Variants in VPS13D observed in about 807,000 individuals in gnomAD.
The protein encoded by VPS13D is intermembrane lipid transfer protein VPS13D.
In VPS13D, 187 loss-of-function variants were observed where a neutral mutation model predicts 461.9. The observed-to-expected ratio is 0.40, with a 90% CI of 0.36 to 0.46. The LOEUF (loss-of-function observed/expected upper bound fraction) is 0.46. VPS13D is among the 20% of genes least tolerant of loss of function. The probability of loss-of-function intolerance (pLI) is 0.60; values close to 1 mark genes in which losing one functional copy is unlikely to be tolerated. For missense variants in VPS13D, 4,711 were observed against 5,364.9 expected (o/e 0.88, Z 3.81); for synonymous variants, 1,951 against 1,986.3 (o/e 0.98, Z 0.47).
chr1:12,423,443 C>T (rs1644887399), intron 65 of VPS13D, among the ~76,000 whole-genome samples: 1 of 152,196 alleles, frequency 6.6e-6, no homozygotes, highest in Non-Finnish European at 1.5e-5. Context: ...CCTAGTCCCA[C>T]AGTGAACTTT....
At chr1:12,309,449 T>C (rs941855241) in intron 27 of VPS13D, among the ~76,000 whole-genome samples, 1 of 151,672 alleles carries the variant, frequency 6.6e-6, no homozygotes, top group African/African-American at 2.4e-5. Context: ...GACCTCGTGA[T>C]CCACCTGCCT....
rs746743062 is a variant in VPS13D, at chr1:12,277,505, C to G, written c.3917C>G (p.Ser1306Cys). ...AAGTTTTTGAAGGAGTTGACGTTAT[C>G]CATGGATGAACTGGAAGAAAATTTT... ...SAKFLKELTL[S>C]MDELEENFRG... The change falls in exon 19 of 70, where the codon TCC becomes TGC. Residue 1306 changes from serine (S) to cysteine (C), a missense_variant. Transcript: ENST00000620676. 1.2e-4 allele frequency: 190 copies of G among 1,613,992 alleles called. No individual in the cohort carries two copies. Among genetic ancestry groups the G allele is most frequent in the Non-Finnish European group, 1.6e-4 (186 of 1,180,036 alleles).
At chr1:12,385,037 G>C (rs919441430) in intron 58 of VPS13D, among the ~76,000 whole-genome samples, 4 of 152,154 alleles carry the variant, frequency 2.6e-5, no homozygotes, top group Non-Finnish European at 4.4e-5. Context: ...ACCCCACTAC[G>C]TGAGGCTCTC....
intron 65 of VPS13D, 38 bp downstream of exon 65, chr1:12,416,865 T>C: frequency 6.3e-7 from 1 of 1,581,446 alleles, no homozygotes; most frequent in Non-Finnish European, 8.6e-7. Flanking sequence ...ATAATTAACC[T>C]CACGAGTCCT....
At chr1:12,346,530 TTA>T in intron 43 of VPS13D, 73 bp from the exon 44 acceptor site, 1 of 1,504,096 alleles carries the variant, frequency 6.6e-7, no homozygotes, top group East Asian at 2.3e-5. Context: ...TTGAAGAAAA[TTA>T]TGTTGTCATT....
At chr1:12,242,652 T>C in intron 3 of VPS13D, 62 bp downstream of exon 3, 1 of 1,429,632 alleles carries the variant, frequency 7.0e-7, no homozygotes, top group South Asian at 1.2e-5. Flanking sequence ...AGGTGAAAAC[T>C]GAGAGCCCTG....
chr1:12,443,737 G>A (rs933441952), intron 65 of VPS13D, among the ~76,000 whole-genome samples: 1 of 151,286 alleles, frequency 6.6e-6, no homozygotes, highest in Admixed American at 6.6e-5. Context: ...TCCCGTCTGC[G>A]TCTTTTATTC....
At chr1:12,267,486 T>C (rs1641308905) in intron 14 of VPS13D, among the ~76,000 whole-genome samples, 1 of 152,142 alleles carries the variant, frequency 6.6e-6, no homozygotes, top group South Asian at 2.1e-4. Context: ...AATGGCTGAG[T>C]AGTTAACCCC....
chr1:12,471,931 A>T (rs1055580953), intron 67 of VPS13D, among the ~76,000 whole-genome samples: 5 of 151,816 alleles, frequency 3.3e-5, no homozygotes, highest in Non-Finnish European at 7.4e-5. Context: ...GAAAAAAAAA[A>T]TTTTATGTTC....
intron 67 of VPS13D, among the ~76,000 whole-genome samples, chr1:12,480,280 T>C (rs1645697014): frequency 1.3e-5 from 2 of 152,170 alleles, no homozygotes; most frequent in African/African-American, 2.4e-5. Flanking sequence ...CTCCAGCTGG[T>C]ACACAGTACA....
At chr1:12,441,893 T>G (rs1272259702) in intron 65 of VPS13D, among the ~76,000 whole-genome samples, 2 of 152,222 alleles carry the variant, frequency 1.3e-5, no homozygotes, top group Non-Finnish European at 2.9e-5. Context: ...TTCTTTTTCT[T>G]TTTTTCTTGC....
chr1:12,427,800 C>T (rs1445235345), intron 65 of VPS13D, among the ~76,000 whole-genome samples: 3 of 152,190 alleles, frequency 2.0e-5, no homozygotes, highest in Admixed American at 6.5e-5. Flanking sequence ...AGATTCACAA[C>T]ATCGTCTCCA....
intron 67 of VPS13D, among the ~76,000 whole-genome samples, chr1:12,493,443 A>G (rs1645914012): frequency 6.7e-6 from 1 of 148,940 alleles, no homozygotes; most frequent in South Asian, 2.1e-4. Context: ...AGATTGCACC[A>G]TTGCACTCCA....
chr1:12,445,125 G>A (rs1217176091), intron 65 of VPS13D, among the ~76,000 whole-genome samples: 2 of 152,182 alleles, frequency 1.3e-5, no homozygotes, highest in South Asian at 4.2e-4. Context: ...GTGTGTGTGA[G>A]GTAGAAAGTA....
At chr1:12,430,993 TG>T (rs1644984330) in intron 65 of VPS13D, among the ~76,000 whole-genome samples, 1 of 152,192 alleles carries the variant, frequency 6.6e-6, no homozygotes, top group African/African-American at 2.4e-5. Flanking sequence ...ATAAATTATA[TG>T]GAGAGATAAA....
chr1:12,308,102 A>G (rs747153274), intron 26 of VPS13D, among the ~76,000 whole-genome samples: 2 of 152,174 alleles, frequency 1.3e-5, no homozygotes, highest in Non-Finnish European at 2.9e-5. Flanking sequence ...GGGATTGCCT[A>G]TGGAGTCAGA....
At chr1:12,448,112 G>C (rs550365905) in intron 65 of VPS13D, among the ~76,000 whole-genome samples, 2 of 152,288 alleles carry the variant, frequency 1.3e-5, no homozygotes, top group South Asian at 4.1e-4. Flanking sequence ...TGTTCTCCCT[G>C]TTTTGTAGAT....
chr1:12,338,229 A>G lies in VPS13D; in HGVS notation c.8552-2A>G. 1 of 1,613,148 alleles carries G rather than the reference A, an allele frequency of 6.2e-7. No homozygotes were observed. Among genetic ancestry groups the G allele is most frequent in the Non-Finnish European group, 8.5e-7 (1 of 1,179,330 alleles). On this transcript the variant is annotated splice_acceptor_variant, in intron 39 of 69. Transcript: ENST00000620676. LOFTEE classifies it high-confidence loss of function. Reference sequence around the variant, plus strand: ...TCTAACTTTGTCTCTCCTGTCTACCAGGCCTCCCCCTTGTCTACCTTAGAA... The same window carrying G: ...TCTAACTTTGTCTCTCCTGTCTACCGGGCCTCCCCCTTGTCTACCTTAGAA...
chr1:12,366,597 A>T (rs1479626000), intron 52 of VPS13D, among the ~76,000 whole-genome samples: 1 of 152,178 alleles, frequency 6.6e-6, no homozygotes, highest in South Asian at 2.1e-4. Context: ...TTGGAGGAGG[A>T]GGAGGATGAT....
Sources: allele counts gnomAD v4.1 joint callset (sites outside exome capture counted in the v4.1 genomes callset), GRCh38; gene constraint gnomAD v4.1.1; transcripts MANE v1.5; gene names NCBI Gene and HGNC (gene_info 2026-07-23, HGNC 2026-07-21).